Variants in PDE1C observed in about 807,000 individuals in gnomAD.
PDE1C encodes the protein dual specificity calcium/calmodulin-dependent 3',5'-cyclic nucleotide phosphodiesterase 1C.
Under a neutral mutation model 93.1 loss-of-function variants are expected in PDE1C, and 62 were observed. That is an observed-to-expected ratio of 0.67 (90% CI 0.54 to 0.82). PDE1C has a LOEUF of 0.82. PDE1C is among the 40% of genes least tolerant of loss of function. The pLI, the probability that PDE1C is intolerant of heterozygous loss-of-function variation, is 0.00. For missense variants in PDE1C, 742 were observed against 884.6 expected (o/e 0.84, Z 2.04); for synonymous variants, 325 against 310.1 (o/e 1.05, Z -0.50).
intron 3 of PDE1C, among the ~76,000 whole-genome samples, chr7:32,134,829 G>A (rs1800114161): frequency 6.6e-6 from 1 of 152,146 alleles, no homozygotes; most frequent in Non-Finnish European, 1.5e-5. Flanking sequence ...AAGCCTAGAT[G>A]ATTGATTGAT....
intron 15 of PDE1C, among the ~76,000 whole-genome samples, chr7:31,811,461 A>G (rs1366084853): frequency 6.6e-6 from 1 of 152,100 alleles, no homozygotes; most frequent in African/African-American, 2.4e-5. Flanking sequence ...GGACATGGTC[A>G]TCACCTCTTC....
intron 1 of PDE1C, among the ~76,000 whole-genome samples, chr7:32,297,988 TCTCTCTCTCCTCTCTCTCTCTC>T (rs1812702791): frequency 4.6e-5 from 2 of 43,288 alleles, no homozygotes; most frequent in African/African-American, 1.4e-4. Flanking sequence ...TCTCTCTCTC[TCTCTCTCTCCTCTCTCTCTCTC>T]TCTCTCCCTC....
At chr7:31,832,430 A>T (rs950583760) in intron 11 of PDE1C, among the ~76,000 whole-genome samples, 20 of 152,280 alleles carry the variant, frequency 1.3e-4, no homozygotes, top group African/African-American at 4.3e-4. Context: ...GATGTAACTT[A>T]CTCTCTTAGT....
intron 2 of PDE1C, among the ~76,000 whole-genome samples, chr7:31,899,331 G>T (rs983603156): frequency 1.3e-5 from 2 of 151,774 alleles, no homozygotes; most frequent in Admixed American, 1.3e-4. Context: ...GTAGAGACGG[G>T]GTTTCACCGT....
chr7:32,246,572 C>G (rs1373978509), intron 1 of PDE1C, among the ~76,000 whole-genome samples: 1 of 152,106 alleles, frequency 6.6e-6, no homozygotes, highest in African/African-American at 2.4e-5. Context: ...TGAGCCTACA[C>G]AGAATGTGAG....
rs554965045 is a variant in PDE1C, at chr7:31,999,526, T to C, written c.128+52028A>G. On this transcript the variant is annotated intron_variant, in intron 2 of 17. Transcript: ENST00000396191. ...CAGGAATCTGCAAGACCCAGCTCTC[T>C]GACCCTGAAGCCACTTCACACTCAG... 5.9e-5 allele frequency among the ~76,000 whole-genome samples: 9 copies of C among 152,146 alleles called. No individual in the cohort carries two copies. In the East Asian group the frequency reaches 1.7e-3, roughly 29 times the overall value.
chr7:31,697,246 G>A, the PDE1C span: 1 of 1,167,220 alleles, frequency 8.6e-7, no homozygotes, highest in Non-Finnish European at 1.2e-6. Context: ...AGTGCTCTGG[G>A]GAGAAGCCAC....
the PDE1C span, among the ~76,000 whole-genome samples, chr7:31,651,682 A>T: frequency 1.3e-5 from 2 of 152,150 alleles, no homozygotes; most frequent in East Asian, 3.8e-4. Context: ...AATAGTGGTG[A>T]TGATTACACA....
chr7:32,414,156 T>A (rs1364012159), intron 1 of PDE1C, among the ~76,000 whole-genome samples: 1 of 150,832 alleles, frequency 6.6e-6, no homozygotes, highest in Non-Finnish European at 1.5e-5. Flanking sequence ...GAGGCTGCAG[T>A]GAGCTCTGAT....
At chr7:31,896,365 T>C (rs548452288) in intron 2 of PDE1C, among the ~76,000 whole-genome samples, 139 of 152,318 alleles carry the variant, frequency 9.1e-4, no homozygotes, top group Non-Finnish European at 1.8e-3. Context: ...GTGAATTTAT[T>C]ACCAGAAATA....
At chr7:31,697,196 C>T in the PDE1C span, 1 of 1,537,528 alleles carries the variant, frequency 6.5e-7, no homozygotes, top group South Asian at 1.3e-5. Flanking sequence ...GTCCCCAGGG[C>T]CTGGCCGTTG....
At chr7:32,401,418 TC>T (rs1400907215) in intron 1 of PDE1C, among the ~76,000 whole-genome samples, 1 of 151,548 alleles carries the variant, frequency 6.6e-6, no homozygotes, top group African/African-American at 2.4e-5. Flanking sequence ...GTGCCTGTAA[TC>T]CCAACTACTC....
chr7:31,695,668 C>T, the PDE1C span: 1 of 1,553,796 alleles, frequency 6.4e-7, no homozygotes, highest in Non-Finnish European at 8.7e-7. Context: ...AGCCACTTGC[C>T]ACTAGGTTGC....
chr7:32,179,800 A>G (rs188010201), intron 2 of PDE1C, among the ~76,000 whole-genome samples: 2 of 152,356 alleles, frequency 1.3e-5, no homozygotes, highest in African/African-American at 4.8e-5. Context: ...CAAGTGACTC[A>G]TCAACTCAGT....
intron 1 of PDE1C, among the ~76,000 whole-genome samples, chr7:32,409,900 C>T (rs1257206833): frequency 6.6e-6 from 1 of 151,752 alleles, no homozygotes; most frequent in Non-Finnish European, 1.5e-5. Context: ...TATATACACA[C>T]ACAAATGTAT....
Position 31,873,340 on chromosome 7 carries a change from A to G in PDE1C, c.561T>C (p.Phe187=), listed in dbSNP as rs146001112. The change falls in exon 6 of 18, where the codon TTT becomes TTC. Residue 187 remains phenylalanine (F), a synonymous_variant. Coordinates refer to ENST00000396191, the MANE Select transcript of PDE1C (RefSeq NM_001191057.4). ...NEASGDHALK[F]IFYELLTRYD... ...AACGTGTGAGTAGTTCATAGAAAATAAATTTCAGTGCATGATCCCCACTGG... is the reference window on the plus strand; with the variant it reads ...AACGTGTGAGTAGTTCATAGAAAATGAATTTCAGTGCATGATCCCCACTGG... 2.8e-5 allele frequency: 45 copies of G among 1,613,908 alleles called. No individual in the cohort carries two copies. The highest frequency in any genetic ancestry group is 3.3e-5 in the Non-Finnish European group (39 of 1,179,810).
At chr7:32,422,373 A>G (rs2128100231) in intron 1 of PDE1C, among the ~76,000 whole-genome samples, 1 of 152,226 alleles carries the variant, frequency 6.6e-6, no homozygotes, top group South Asian at 2.1e-4. Flanking sequence ...CATATGTGCA[A>G]GTTTGTTACC....
chr7:31,802,566 A>G (rs75037517), intron 16 of PDE1C, among the ~76,000 whole-genome samples: 12,468 of 151,598 alleles, frequency 0.082, 537 homozygotes, highest in South Asian at 0.13. Flanking sequence ...ATTATCCTTC[A>G]CCTTTCCTTA....
At chr7:31,755,500 T>C (rs911936734) in intron 17 of PDE1C, among the ~76,000 whole-genome samples, 2 of 152,092 alleles carry the variant, frequency 1.3e-5, no homozygotes, top group Non-Finnish European at 2.9e-5. Flanking sequence ...AAATGACTGA[T>C]TCCAGAACTC....
Sources: allele counts gnomAD v4.1 joint callset (sites outside exome capture counted in the v4.1 genomes callset), GRCh38; gene constraint gnomAD v4.1.1; transcripts MANE v1.5; gene names NCBI Gene and HGNC (gene_info 2026-07-23, HGNC 2026-07-21).